Variants in ARMCX3 observed in about 807,000 individuals in gnomAD.
ARMCX3 encodes armadillo repeat containing X-linked 3.
ARMCX3 carries 3 observed loss-of-function variants against 12.6 expected under a neutral mutation model. That is an observed-to-expected ratio of 0.24 (90% CI 0.11 to 0.61). The LOEUF (loss-of-function observed/expected upper bound fraction) is 0.61, where lower values mean the gene tolerates loss of function less well. ARMCX3 is among the 20% of genes least tolerant of loss of function. ARMCX3 has a pLI of 0.88. For missense variants in ARMCX3, 204 were observed against 286.1 expected (o/e 0.71, Z 2.07); for synonymous variants, 102 against 103.1 (o/e 0.99, Z 0.06).
chrX:101,625,188 G>A lies in ARMCX3; in HGVS notation c.209G>A (p.Ser70Asn). 2 of 1,210,895 alleles carry A rather than the reference G, an allele frequency of 1.7e-6. No homozygotes were observed. The highest frequency in any genetic ancestry group is 1.1e-6 in the Non-Finnish European group (1 of 895,471). Reference protein sequence around the residue: ...WSDDDDDSNESKSIVWYPPWA... With the variant: ...WSDDDDDSNENKSIVWYPPWA... ...GATGATGATGATGACAGCAATGAGA[G>A]CAAGAGTATAGTATGGTACCCACCT... Residue 70 changes from serine to asparagine, a missense_variant, in exon 5 of 5, where the codon AGC becomes AAC. By Grantham distance (46) the Ser-to-Asn change is conservative (BLOSUM62 1). Coordinates refer to ENST00000471229, the MANE Select transcript of ARMCX3 (RefSeq NM_177947.3).
chrX:101,625,353 A>C lies in ARMCX3; in HGVS notation c.374A>C (p.Lys125Thr), dbSNP rs149266795. ...DTVLSPQELQ[K>T]VLCLVEMSEK... ...GTTTTGTCCCCTCAAGAGCTACAAA[A>C]GGTTCTTTGCTTGGTTGAGATGTCT... The change falls in exon 5 of 5, where the codon AAG becomes ACG. Residue 125 changes from lysine (K) to threonine (T), a missense_variant. Transcript: ENST00000471229. 1.7e-6 allele frequency: 2 copies of C among 1,211,110 alleles called. No homozygotes were observed. The highest frequency in any genetic ancestry group is 2.2e-6 in the Non-Finnish European group (2 of 895,223).
In ARMCX3 at chrX:101,627,698, A is replaced by AATTAAG. The variant is rs1276810407; in HGVS notation, c.*1581_*1586dup. 8.0e-6 allele frequency: 1 copy of AATTAAG among 124,332 alleles called. No homozygotes were observed. The highest frequency in any genetic ancestry group is 1.9e-5 in the Non-Finnish European group (1 of 53,461). 10.2% of individuals were successfully genotyped at this position (124,332 alleles called of 1,213,427 possible). On this transcript the variant is annotated 3_prime_UTR_variant, in exon 5 of 5. Coordinates refer to ENST00000471229, the MANE Select transcript of ARMCX3 (RefSeq NM_177947.3). The stretch of plus-strand genomic sequence containing the variant: ...TACAATGTTCTGGCACATAGTAATT[A>AATTAAG]ATTAAGAAAATCGAGCACCCTTAAT...
Position 101,624,161 on chromosome X carries a change from TGCTGTA to T in ARMCX3, c.-272_-267del, listed in dbSNP as rs1935947666. The T allele has an allele frequency of 9.1e-6, 1 of 110,136 alleles. No individual in the cohort carries two copies. Among genetic ancestry groups the T allele is most frequent in the African/African-American group, 3.3e-5 (1 of 30,036 alleles). 9.1% of individuals were successfully genotyped at this position (110,136 alleles called of 1,213,427 possible). ...TTTTCGATCTGTCATCCTGCAGGTC[TGCTGTA>T]GCAGGTGGCTCCGCTTGAAGCGAGG... is the stretch of plus-strand genomic sequence containing the variant. On this transcript the variant is annotated 5_prime_UTR_variant, in exon 3 of 5. Coordinates refer to ENST00000471229, the MANE Select transcript of ARMCX3 (RefSeq NM_177947.3).
rs138110734 is a variant in ARMCX3 at position 101,625,887 on chromosome X, T to A, written c.908T>A (p.Leu303His). The change falls in exon 5 of 5, where the codon CTT becomes CAT. Residue 303 changes from leucine (L) to histidine (H), a missense_variant. Leu to His is a moderately conservative substitution (Grantham distance 99). Coordinates refer to ENST00000471229, the MANE Select transcript of ARMCX3 (RefSeq NM_177947.3). ...FNKKENKEVI[L>H]KLLVIFENIN... ...AAGAAGGAGAACAAAGAAGTTATTC[T>A]TAAACTTCTGGTCATATTTGAGAAC... 3.1e-5 allele frequency: 37 copies of A among 1,201,183 alleles called. No individual in the cohort carries two copies. In the African/African-American group the frequency reaches 6.0e-4, roughly 19 times the overall value.
rs1429446462 is a variant in ARMCX3 at position 101,623,803 on chromosome X, C to T, written c.-358-11C>T. The T allele has an allele frequency of 9.0e-6, 1 of 110,855 alleles. No homozygotes were observed. The highest frequency in any genetic ancestry group is 1.9e-5 in the Non-Finnish European group (1 of 52,927). The allele number at this position is 110,855 out of a possible 1,213,427, so 9.1% of individuals were successfully genotyped here. A position where few individuals can be genotyped will look rare whatever the true frequency, so the allele number is the denominator to read the frequency against. On this transcript the variant is annotated splice_polypyrimidine_tract_variant and intron_variant, in intron 1 of 4. Transcript: ENST00000471229. ...GTGTCTAGTGGGTCCAAGCCTCTCC[C>T]GGGTGGCCAGTCTTTCTGTAGGTTG...
Position 101,625,122 on chromosome X carries a change from A to T in ARMCX3, c.143A>T (p.Asp48Val). ...MAEGGSGDVD[D>V]AGDCSGARYN... ...GAGGGTGGATCTGGGGATGTGGATG[A>T]TGCTGGGGACTGTTCTGGGGCCAGG... Residue 48 changes from aspartate (D) to valine (V), a missense_variant, in exon 5 of 5, where the codon GAT becomes GTT. Transcript: ENST00000471229. 1 of 1,206,493 alleles carries T rather than the reference A, an allele frequency of 8.3e-7. No homozygotes were observed. The highest frequency in any genetic ancestry group is 1.1e-6 in the Non-Finnish European group (1 of 893,838).
chrX:101,623,614 A>G (rs868975789), intron 1 of ARMCX3, 200 bp from the exon 2 acceptor site: 17 of 112,103 alleles, frequency 1.5e-4, no homozygotes, highest in African/African-American at 5.5e-4. Context: ...GCGATATGTC[A>G]GCAGAACCCC....
Position 101,625,220 on chromosome X carries a change from C to T in ARMCX3, c.241C>T (p.Arg81Trp), listed in dbSNP as rs1211468081. 1 of 1,209,442 alleles carries T rather than the reference C, an allele frequency of 8.3e-7. No individual in the cohort carries two copies. The highest frequency in any genetic ancestry group is 1.1e-6 in the Non-Finnish European group (1 of 895,094). Residue 81 changes from arginine to tryptophan, a missense_variant, in exon 5 of 5, where the codon CGG (arginine) becomes TGG (tryptophan). Arg to Trp is a moderately radical substitution (Grantham distance 101). Coordinates refer to ENST00000471229, the MANE Select transcript of ARMCX3 (RefSeq NM_177947.3). Reference sequence around the variant, plus strand: ...TATAGTATGGTACCCACCTTGGGCTCGGATTGGGACTGAAGCTGGAACCAG... The same window carrying T: ...TATAGTATGGTACCCACCTTGGGCTTGGATTGGGACTGAAGCTGGAACCAG... ...KSIVWYPPWA[R>W]IGTEAGTRAR...
Position 101,624,870 on chromosome X carries a change from G to A in ARMCX3, c.-110G>A, listed in dbSNP as rs1212220046. ...GAATCAGCTCTTGTGGCCTTGAAGT[G>A]GCTGAAGACGATCACCCTCCACAGG... On this transcript the variant is annotated 5_prime_UTR_variant, in exon 5 of 5. Coordinates refer to ENST00000471229, the MANE Select transcript of ARMCX3 (RefSeq NM_177947.3). The A allele has an allele frequency of 2.7e-6, 2 of 731,024 alleles. No homozygotes were observed. The highest frequency in any genetic ancestry group is 4.4e-5 in the African/African-American group (2 of 45,487). The allele number at this position is 731,024 out of a possible 1,213,427, so 60.2% of individuals were successfully genotyped here.
intron 3 of ARMCX3, 91 bp from the exon 4 acceptor site, chrX:101,624,389 C>T (rs1652873199): frequency 8.9e-6 from 1 of 111,732 alleles, no homozygotes; most frequent in Non-Finnish European, 1.9e-5. Flanking sequence ...TAAAAACAAA[C>T]CTGATAACCG....
At chrX:101,624,769 C>T in intron 4 of ARMCX3, 65 bp from the exon 5 acceptor site, 1 of 314,509 alleles carries the variant, frequency 3.2e-6, no homozygotes, top group East Asian at 4.7e-5. Flanking sequence ...CTCTGTGCAG[C>T]TCCCTGCATG....
chrX:101,624,880 G>A lies in ARMCX3; in HGVS notation c.-100G>A, dbSNP rs782138734. 15 of 810,196 alleles carry A rather than the reference G, an allele frequency of 1.9e-5. No individual in the cohort carries two copies. In the South Asian group the frequency reaches 5.9e-4, roughly 32 times the overall value. The allele number at this position is 810,196 out of a possible 1,213,427, so 66.8% of individuals were successfully genotyped here. A position where few individuals can be genotyped will look rare whatever the true frequency, so the allele number is the denominator to read the frequency against. ...TTGTGGCCTTGAAGTGGCTGAAGAC[G>A]ATCACCCTCCACAGGCTTGAGCCCA... On this transcript the variant is annotated 5_prime_UTR_variant, in exon 5 of 5. Transcript: ENST00000471229.
rs1229906996 is a variant in ARMCX3 at position 101,627,254 on chromosome X, CA to C, written c.*1136del. 4 of 123,195 alleles carry C rather than the reference CA, an allele frequency of 3.2e-5. No individual in the cohort carries two copies. The highest frequency in any genetic ancestry group is 1.3e-4 in the African/African-American group (4 of 30,762). 10.2% of individuals were successfully genotyped at this position (123,195 alleles called of 1,213,427 possible). A position where few individuals can be genotyped will look rare whatever the true frequency, so the allele number is the denominator to read the frequency against. On this transcript the variant is annotated 3_prime_UTR_variant, in exon 5 of 5. Coordinates refer to ENST00000471229, the MANE Select transcript of ARMCX3 (RefSeq NM_177947.3). ...ATCTATATTGCCAGGAAAAGCTATTCATTATGCGTTGTGAAGTCAGAAAGTA... is the reference window on the plus strand; with the variant it reads ...ATCTATATTGCCAGGAAAAGCTATTCTTATGCGTTGTGAAGTCAGAAAGTA...
chrX:101,626,152 A>T lies in ARMCX3; in HGVS notation c.*33A>T. The T allele has an allele frequency of 9.2e-7, 1 of 1,085,195 alleles. No homozygotes were observed. Among genetic ancestry groups the T allele is most frequent in the Non-Finnish European group, 1.2e-6 (1 of 815,763 alleles). The allele number at this position is 1,085,195 out of a possible 1,213,427, so 89.4% of individuals were successfully genotyped here. ...ATTTTGTAATTTAGAAGCAACACAC[A>T]TTGTAAACTATTCATTTTCTCCACC... On this transcript the variant is annotated 3_prime_UTR_variant, in exon 5 of 5. Coordinates refer to ENST00000471229, the MANE Select transcript of ARMCX3 (RefSeq NM_177947.3).
At position 101,627,159 on chromosome X, in the gene ARMCX3, C is replaced by T. The variant is rs1161877993; in HGVS notation, c.*1040C>T. The T allele has an allele frequency of 3.2e-5, 4 of 123,559 alleles. No individual in the cohort carries two copies. The highest frequency in any genetic ancestry group is 7.5e-5 in the Non-Finnish European group (4 of 53,297). 10.2% of individuals were successfully genotyped at this position (123,559 alleles called of 1,213,427 possible). ...TAAAAATTGGAAACAATTTAAGTATCTAGCACATTGGATTGGTTATAAAGC... is the reference window on the plus strand; with the variant it reads ...TAAAAATTGGAAACAATTTAAGTATTTAGCACATTGGATTGGTTATAAAGC... On this transcript the variant is annotated 3_prime_UTR_variant, in exon 5 of 5. Coordinates refer to ENST00000471229, the MANE Select transcript of ARMCX3 (RefSeq NM_177947.3).
At position 101,624,837 on chromosome X, in the gene ARMCX3, A is replaced by G; in HGVS notation, c.-143A>G. ...AATTTTCTTCTTCCACTCCTAGGTCAACCCCCAGAATCAGCTCTTGTGGCC... is the reference window on the plus strand; with the variant it reads ...AATTTTCTTCTTCCACTCCTAGGTCGACCCCCAGAATCAGCTCTTGTGGCC... On this transcript the variant is annotated 5_prime_UTR_variant, in exon 5 of 5. Coordinates refer to ENST00000471229, the MANE Select transcript of ARMCX3 (RefSeq NM_177947.3). 1 of 505,392 alleles carries G rather than the reference A, an allele frequency of 2.0e-6. No individual in the cohort carries two copies. Among genetic ancestry groups the G allele is most frequent in the Non-Finnish European group, 3.0e-6 (1 of 332,800 alleles). 41.6% of individuals were successfully genotyped at this position (505,392 alleles called of 1,213,427 possible).
rs782091422 is a variant in ARMCX3, at chrX:101,625,905, T to C, written c.926T>C (p.Phe309Ser). ...GTTATTCTTAAACTTCTGGTCATAT[T>C]TGAGAACATAAATGATAATTTCAAA... is the stretch of plus-strand genomic sequence containing the variant. ...KEVILKLLVI[F>S]ENINDNFKWE... Residue 309 changes from phenylalanine to serine, a missense_variant, in exon 5 of 5, where the codon TTT becomes TCT. Phe to Ser is a radical substitution (Grantham distance 155). Transcript: ENST00000471229. 1.7e-6 allele frequency: 2 copies of C among 1,200,657 alleles called. No homozygotes were observed. Among genetic ancestry groups the C allele is most frequent in the Non-Finnish European group, 2.2e-6 (2 of 890,237 alleles).
rs1273196222 is a variant in ARMCX3, at chrX:101,623,829, C to A, written c.-343C>A. 1 of 107,506 alleles carries A rather than the reference C, an allele frequency of 9.3e-6. No homozygotes were observed. The highest frequency in any genetic ancestry group is 1.9e-5 in the Non-Finnish European group (1 of 52,272). The allele number at this position is 107,506 out of a possible 1,213,427, so 8.9% of individuals were successfully genotyped here. On this transcript the variant is annotated 5_prime_UTR_variant, in exon 2 of 5. Coordinates refer to ENST00000471229, the MANE Select transcript of ARMCX3 (RefSeq NM_177947.3). ...GGGTGGCCAGTCTTTCTGTAGGTTG[C>A]GGCACAACGCCAGGCAAAAGAAGAG...
rs372051555 is a variant in ARMCX3 at position 101,625,571 on chromosome X, C to T, written c.592C>T (p.Arg198Cys). ...NNLSVNAENQ[R>C]RLKVYMNQVC... ...CTTGAGTGTGAATGCTGAAAATCAG[C>T]GCAGGCTTAAAGTATACATGAATCA... The change falls in exon 5 of 5, where the codon CGC becomes TGC. Residue 198 changes from arginine to cysteine, a missense_variant. By Grantham distance (180) the Arg-to-Cys change is radical. Coordinates refer to ENST00000471229, the MANE Select transcript of ARMCX3 (RefSeq NM_177947.3). 68 of 1,203,551 alleles carry T rather than the reference C, an allele frequency of 5.6e-5. No homozygotes were observed. Among genetic ancestry groups the T allele is most frequent in the Non-Finnish European group, 7.2e-5 (64 of 892,464 alleles).
Sources: gnomAD v4.1 joint callset for allele counts on GRCh38, gnomAD v4.1.1 for gene constraint, MANE v1.5 for transcripts, NCBI Gene and HGNC (gene_info 2026-07-23, HGNC 2026-07-21) for gene names.